EYA1: variants seen among roughly 807,000 people sequenced by gnomAD.
EYA1 encodes EYA transcriptional coactivator and phosphatase 1.
In EYA1, 16 loss-of-function variants were observed where a neutral mutation model predicts 82.0. The observed-to-expected ratio is 0.20, with a 90% confidence interval of 0.13 to 0.30. The LOEUF is 0.30. Ranked by LOEUF, EYA1 falls within the 10% of genes least tolerant of loss-of-function variation. EYA1 has a pLI of 1.00. For synonymous variants in EYA1, 261 were observed against 264.4 expected, an observed-to-expected ratio of 0.99 and a Z score of 0.12; for missense variants, 633 against 730.7, an observed-to-expected ratio of 0.87 and a Z score of 1.54.
chr8:71,300,985 A>G (rs1820138547), intron 7 of EYA1, among the ~76,000 whole-genome samples: 1 of 152,196 alleles, frequency 6.6e-6, no homozygotes, highest in East Asian at 1.9e-4. Flanking sequence ...TTACATTTTT[A>G]AGTTTTCTAC....
intron 2 of EYA1, among the ~76,000 whole-genome samples, chr8:71,392,129 T>C (rs1189633384): frequency 6.6e-6 from 1 of 152,168 alleles, no homozygotes; most frequent in Non-Finnish European, 1.5e-5. Flanking sequence ...CCAATTCCTC[T>C]GTACAGAAAA....
At chr8:71,266,903 T>G (rs1235786651) in intron 11 of EYA1, among the ~76,000 whole-genome samples, 2 of 152,196 alleles carry the variant, frequency 1.3e-5, no homozygotes, top group Non-Finnish European at 2.9e-5. Flanking sequence ...CATCTTTCAC[T>G]TCTCTGTCTT....
At chr8:71,261,066 C>T (rs926931103) in intron 11 of EYA1, among the ~76,000 whole-genome samples, 1 of 152,034 alleles carries the variant, frequency 6.6e-6, no homozygotes, top group Non-Finnish European at 1.5e-5. Context: ...TTTTAAGACC[C>T]CATGCTGGCT....
At chr8:71,471,368 T>C (rs1020352783) in intron 2 of EYA1, among the ~76,000 whole-genome samples, 5 of 152,074 alleles carry the variant, frequency 3.3e-5, no homozygotes, top group African/African-American at 4.8e-5. Context: ...AAGATGATTG[T>C]TATATATTGA....
At chr8:71,414,937 C>T (rs1452645083) in intron 2 of EYA1, among the ~76,000 whole-genome samples, 2 of 152,146 alleles carry the variant, frequency 1.3e-5, no homozygotes, top group African/African-American at 2.4e-5. Context: ...TTATGGCTTT[C>T]AAGTCAGGAT....
At chr8:71,422,993 T>G (rs1304133410) in intron 2 of EYA1, among the ~76,000 whole-genome samples, 1 of 152,146 alleles carries the variant, frequency 6.6e-6, no homozygotes, top group Non-Finnish European at 1.5e-5. Flanking sequence ...AATTTTAAAC[T>G]TGGAAACCTG....
intron 8 of EYA1, 65 bp from the exon 9 acceptor site, chr8:71,299,298 A>C: frequency 6.7e-7 from 1 of 1,500,822 alleles, no homozygotes; most frequent in East Asian, 2.3e-5. Flanking sequence ...TACATATCAA[A>C]GTGTAACTGT....
At chr8:71,405,565 T>A (rs1316468348) in intron 2 of EYA1, among the ~76,000 whole-genome samples, 1 of 152,186 alleles carries the variant, frequency 6.6e-6, no homozygotes, top group African/African-American at 2.4e-5. Context: ...TTCACCAGCA[T>A]CTGCACTATG....
chr8:71,308,174 T>C (rs1308546866), intron 7 of EYA1, among the ~76,000 whole-genome samples: 1 of 152,172 alleles, frequency 6.6e-6, no homozygotes, highest in Non-Finnish European at 1.5e-5. Flanking sequence ...TCTGAATCGG[T>C]AATGTTGAAA....
chr8:71,406,613 G>A (rs772026622), intron 2 of EYA1, among the ~76,000 whole-genome samples: 64 of 152,314 alleles, frequency 4.2e-4, no homozygotes, highest in Non-Finnish European at 4.6e-4. Context: ...AAGGGGTGAC[G>A]GATGCACCTG....
intron 2 of EYA1, among the ~76,000 whole-genome samples, chr8:71,456,493 C>T (rs1322061087): frequency 2.6e-5 from 4 of 152,150 alleles, no homozygotes; most frequent in African/African-American, 9.7e-5. Flanking sequence ...ATCAAGCTAC[C>T]TGACTTCAAA....
At chr8:71,435,232 G>A (rs768614516) in intron 2 of EYA1, among the ~76,000 whole-genome samples, 6 of 152,032 alleles carry the variant, frequency 3.9e-5, no homozygotes, top group African/African-American at 7.2e-5. Flanking sequence ...CAGCTGCCCC[G>A]TGGAATCTCT....
At chr8:71,494,690 C>G (rs1285833186) in intron 2 of EYA1, among the ~76,000 whole-genome samples, 1 of 151,900 alleles carries the variant, frequency 6.6e-6, no homozygotes, top group Non-Finnish European at 1.5e-5. Flanking sequence ...GAAGACAAGG[C>G]CTAGAGCAAG....
intron 11 of EYA1, among the ~76,000 whole-genome samples, chr8:71,248,735 T>G (rs1407233166): frequency 6.6e-6 from 1 of 152,234 alleles, no homozygotes; most frequent in Non-Finnish European, 1.5e-5. Flanking sequence ...AGGTTAGATT[T>G]TATTTTCCTA....
At chr8:71,392,687 CTTGA>C (rs1829348551) in intron 2 of EYA1, among the ~76,000 whole-genome samples, 1 of 152,126 alleles carries the variant, frequency 6.6e-6, no homozygotes, top group South Asian at 2.1e-4. Flanking sequence ...TCAGTTTCTT[CTTGA>C]GTAAATCTTT....
intron 3 of EYA1, among the ~76,000 whole-genome samples, chr8:71,339,523 G>A (rs561725813): frequency 6.6e-5 from 10 of 151,284 alleles, no homozygotes; most frequent in South Asian, 2.1e-4. Context: ...CGTTCCTTAC[G>A]CTCCCGAGAC....
chr8:71,232,360 T>C (rs1237242946), intron 12 of EYA1, among the ~76,000 whole-genome samples: 1 of 152,234 alleles, frequency 6.6e-6, no homozygotes, highest in Non-Finnish European at 1.5e-5. Flanking sequence ...CAGGCTCCGC[T>C]GCATGCCGTG....
In EYA1 at chr8:71,361,845, C is replaced by T. The variant is rs1049191270; in HGVS notation, c.-253G>A. On this transcript the variant is annotated 5_prime_UTR_variant, in exon 1 of 18. Transcript: ENST00000340726. ...TCGGCGCAGGGGGCAGGCGCCTGGC[C>T]GCTGCCGCAGGCTCGGGCTGCCGAG... The T allele has an allele frequency of 2.9e-5, 29 of 985,442 alleles. No homozygotes were observed. The highest frequency in any genetic ancestry group is 7.0e-5 in the African/African-American group (4 of 57,364). The allele number at this position is 985,442 out of a possible 1,614,324, so 61.0% of individuals were successfully genotyped here. A position where few individuals can be genotyped will look rare whatever the true frequency, so the allele number is the denominator to read the frequency against.
intron 2 of EYA1, among the ~76,000 whole-genome samples, chr8:71,443,808 T>C (rs924794727): frequency 1.3e-5 from 2 of 152,246 alleles, no homozygotes; most frequent in Non-Finnish European, 2.9e-5. Context: ...TGGTAGAAGA[T>C]ATCTTAACAT....
Sources: gnomAD v4.1 joint callset for allele counts (sites outside exome capture counted in the v4.1 genomes callset) on GRCh38, gnomAD v4.1.1 for gene constraint, MANE v1.5 for transcripts, NCBI Gene and HGNC (gene_info 2026-07-23, HGNC 2026-07-21) for gene names.